The following SLC26A8 variants were observed in gnomAD, a reference collection of about 807,000 sequenced individuals.
SLC26A8 encodes the protein solute carrier family 26 member 8, also known as testis anion transporter 1.
SLC26A8 carries 70 observed loss-of-function variants against 105.0 expected under a neutral mutation model. That is an observed-to-expected ratio of 0.67 (90% CI 0.55 to 0.81). The LOEUF is 0.81. SLC26A8 is among the 40% of genes least tolerant of loss of function. SLC26A8 has a pLI of 0.00. For missense variants in SLC26A8, 998 were observed against 1,181.8 expected, an observed-to-expected ratio of 0.84 and a Z score of 2.28; for synonymous variants, 415 against 438.3, an observed-to-expected ratio of 0.95 and a Z score of 0.66.
rs1036411482 is a variant in SLC26A8, at chr6:35,988,841, G to T, written c.942+2818C>A. On this transcript the variant is annotated intron_variant, in intron 7 of 19. Transcript: ENST00000490799. ...GCTTTTAGATATACAGTTCTATACGGTTTTTTTTTTTTTTTTTGAGACGGA... is the reference window on the plus strand; with the variant it reads ...GCTTTTAGATATACAGTTCTATACGTTTTTTTTTTTTTTTTTTGAGACGGA... 3.5e-3 allele frequency among the ~76,000 whole-genome samples: 452 copies of T among 128,360 alleles called. 3 individuals are homozygous for T. Among genetic ancestry groups the T allele is most frequent in the African/African-American group, 0.013 (441 of 34,722 alleles). The allele number at this position is 128,360 out of a possible 152,430, so 84.2% of individuals were successfully genotyped here.
chr6:35,957,722 T>C (rs1466886676), intron 16 of SLC26A8, among the ~76,000 whole-genome samples: 1 of 151,830 alleles, frequency 6.6e-6, no homozygotes, highest in East Asian at 1.9e-4. Flanking sequence ...TTCTCCTGCC[T>C]CAGCCTCCCG....
intron 7 of SLC26A8, among the ~76,000 whole-genome samples, chr6:35,986,069 T>C (rs903022897): frequency 7.1e-6 from 1 of 141,378 alleles, no homozygotes; most frequent in Non-Finnish European, 1.5e-5. Context: ...AGTTTTGCTC[T>C]TGTTGCCCAG....
At chr6:36,000,337 A>G (rs1406143963) in intron 3 of SLC26A8, among the ~76,000 whole-genome samples, 1 of 152,168 alleles carries the variant, frequency 6.6e-6, no homozygotes, top group African/African-American at 2.4e-5. Flanking sequence ...TCAATATCAT[A>G]GGCTGAAACA....
intron 8 of SLC26A8, among the ~76,000 whole-genome samples, chr6:35,979,630 G>A (rs1316304848): frequency 6.6e-6 from 1 of 152,134 alleles, no homozygotes; most frequent in African/African-American, 2.4e-5. Flanking sequence ...GTAAGAATGA[G>A]GCTGTCCCAA....
intron 2 of SLC26A8, among the ~76,000 whole-genome samples, chr6:36,013,080 A>G (rs1761905461): frequency 6.6e-6 from 1 of 152,242 alleles, no homozygotes; most frequent in Non-Finnish European, 1.5e-5. Flanking sequence ...TCCTGTGCTT[A>G]AGGACTTAGT....
intron 3 of SLC26A8, among the ~76,000 whole-genome samples, 166 bp from the exon 4 acceptor site, chr6:36,000,274 T>C (rs1050567076): frequency 3.3e-5 from 5 of 152,232 alleles, no homozygotes; most frequent in African/African-American, 1.2e-4. Flanking sequence ...TTTATTATCT[T>C]CTTTGATTCC....
rs201641848 is a variant in SLC26A8 at position 35,951,407 on chromosome 6, G to A, written c.2287+38C>T. The A allele has an allele frequency of 4.6e-5, 74 of 1,613,880 alleles. 1 individual carries two copies. In the South Asian group the frequency reaches 5.6e-4, roughly 12 times the overall value. On this transcript the variant is annotated intron_variant, in intron 18 of 19. Coordinates refer to ENST00000490799, the MANE Select transcript of SLC26A8 (RefSeq NM_052961.4). ...ATACTTGGGGAGCAGAGGACCCAGG[G>A]TGCAAAACAGCCCTCTCATAGGGTG... is the stretch of plus-strand genomic sequence containing the variant.
In SLC26A8 at chr6:35,960,768, T is replaced by C. The variant is rs77229924; in HGVS notation, c.1638+75A>G. ...TGCAGGAAACAATGGCAAGGGATTT[T>C]GTAGAAAAACTAAGCATGAGGTGGG... On this transcript the variant is annotated intron_variant, in intron 14 of 19. Transcript: ENST00000490799. The C allele has an allele frequency of 2.8e-6, 4 of 1,408,142 alleles. No homozygotes were observed. The African/African-American group carries it at 4.3e-5, about 15-fold the overall frequency. 87.2% of individuals were successfully genotyped at this position (1,408,142 alleles called of 1,614,324 possible). A position where few individuals can be genotyped will look rare whatever the true frequency, so the allele number is the denominator to read the frequency against.
At chr6:35,958,329 G>A (rs145780405) in intron 16 of SLC26A8, among the ~76,000 whole-genome samples, 3,506 of 150,766 alleles carry the variant, frequency 0.023, 146 homozygotes, top group African/African-American at 0.081. Flanking sequence ...GTGAAACCCC[G>A]ATCTCTACTA....
chr6:35,966,888 A>T (rs992294786), intron 11 of SLC26A8, among the ~76,000 whole-genome samples: 1 of 152,204 alleles, frequency 6.6e-6, no homozygotes, highest in Non-Finnish European at 1.5e-5. Context: ...ACGTGTTTAT[A>T]ATAAAGGAGT....
chr6:35,956,616 C>T (rs1433969997), intron 16 of SLC26A8, among the ~76,000 whole-genome samples: 2 of 151,778 alleles, frequency 1.3e-5, no homozygotes, highest in African/African-American at 2.4e-5. Context: ...AGTGTGCACA[C>T]GTTCATTGAA....
At chr6:35,975,913 C>CAAAAAA (rs34783824) in intron 9 of SLC26A8, among the ~76,000 whole-genome samples, 10 of 81,052 alleles carry the variant, frequency 1.2e-4, no homozygotes, top group South Asian at 8.0e-4. Flanking sequence ...AACTCCATCT[C>CAAAAAA]AAAAAAAAAA....
In SLC26A8 at chr6:35,959,820, T is replaced by C; in HGVS notation, c.1639-14A>G. ...AATGGTGATGATCTGCAAGACAAAA[T>C]GTGAAGTTGAGGGAAATTTCTCAGT... On this transcript the variant is annotated splice_polypyrimidine_tract_variant and intron_variant, in intron 14 of 19. Coordinates refer to ENST00000490799, the MANE Select transcript of SLC26A8 (RefSeq NM_052961.4). 6.3e-7 allele frequency: 1 copy of C among 1,595,630 alleles called. No homozygotes were observed. Among genetic ancestry groups the C allele is most frequent in the Non-Finnish European group, 8.6e-7 (1 of 1,169,108 alleles).
Position 36,012,220 on chromosome 6 carries a change from A to C in SLC26A8, c.328+13T>G. On this transcript the variant is annotated intron_variant, in intron 3 of 19. Coordinates refer to ENST00000490799, the MANE Select transcript of SLC26A8 (RefSeq NM_052961.4). ...CATTGTCTTTGGATGAACAGGCTTC[A>C]TATCTTCCTTACCTTGGGGAACTTG... The C allele has an allele frequency of 6.2e-7, 1 of 1,610,568 alleles. No homozygotes were observed. Among genetic ancestry groups the C allele is most frequent in the Non-Finnish European group, 8.5e-7 (1 of 1,178,984 alleles).
intron 16 of SLC26A8, 26 bp from the exon 17 acceptor site, chr6:35,955,546 C>G (rs1391535607): frequency 7.5e-6 from 12 of 1,606,050 alleles, no homozygotes; most frequent in Non-Finnish European, 6.8e-6. Context: ...TAAGGGAGGG[C>G]TGTGGTAAGA....
intron 16 of SLC26A8, among the ~76,000 whole-genome samples, chr6:35,958,510 C>G (rs1772181835): frequency 1.3e-5 from 2 of 150,514 alleles, no homozygotes; most frequent in South Asian, 4.2e-4. Flanking sequence ...AAAAAACAAG[C>G]CAGGTATGGT....
At chr6:35,987,290 G>A (rs957584347) in intron 7 of SLC26A8, among the ~76,000 whole-genome samples, 27 of 152,190 alleles carry the variant, frequency 1.8e-4, no homozygotes, top group African/African-American at 6.5e-4. Flanking sequence ...CCCACACAAA[G>A]TCCATGGTGG....
chr6:35,990,363 T>C, intron 7 of SLC26A8: 1 of 256,664 alleles, frequency 3.9e-6, no homozygotes. Flanking sequence ...ATCTTCCAAT[T>C]GTTTCTCCAT....
chr6:35,968,748 C>T, intron 11 of SLC26A8, 129 bp downstream of exon 11: 1 of 632,690 alleles, frequency 1.6e-6, no homozygotes, highest in Non-Finnish European at 2.7e-6. Context: ...TGGGGATAAT[C>T]CGAATGCAAT....
Sources: gnomAD v4.1 joint callset for allele counts (sites outside exome capture counted in the v4.1 genomes callset) on GRCh38, gnomAD v4.1.1 for gene constraint, MANE v1.5 for transcripts, NCBI Gene and HGNC (gene_info 2026-07-23, HGNC 2026-07-21) for gene names.